HECTD2: variants seen among roughly 807,000 people sequenced by gnomAD.
The protein encoded by HECTD2 is HECT domain E3 ubiquitin protein ligase 2.
HECTD2 carries 35 observed loss-of-function variants against 103.2 expected under a neutral mutation model. The observed-to-expected ratio is 0.34, with a 90% CI of 0.26 to 0.45. The LOEUF (loss-of-function observed/expected upper bound fraction) is 0.45, where lower values mean the gene tolerates loss of function less well. Among genes scored for constraint, HECTD2 ranks in the 20% least tolerant of loss-of-function variants. The probability of loss-of-function intolerance (pLI) is 1.00; values close to 1 mark genes in which losing one functional copy is unlikely to be tolerated. For missense variants in HECTD2, 596 were observed against 937.4 expected (o/e 0.64, Z 4.76); for synonymous variants, 281 against 329.9 (o/e 0.85, Z 1.61).
chr10:91,512,527 T>G lies in HECTD2; in HGVS notation c.*143T>G. ...TATTAAGTTTTTAAAAAATCAAATA[T>G]GAAGTATGTTCAGCAAAGGCATAAT... is the stretch of plus-strand genomic sequence containing the variant. On this transcript the variant is annotated 3_prime_UTR_variant, in exon 21 of 21. Transcript: ENST00000298068. The G allele has an allele frequency of 1.3e-6, 1 of 778,708 alleles. No homozygotes were observed. The highest frequency in any genetic ancestry group is 2.0e-6 in the Non-Finnish European group (1 of 505,582). 48.2% of individuals were successfully genotyped at this position (778,708 alleles called of 1,614,324 possible).
chr10:91,489,819 T>C (rs1846399762), intron 11 of HECTD2: 1 of 152,184 alleles, frequency 6.6e-6, no homozygotes, highest in African/African-American at 2.4e-5. Context: ...AAATTGTAAG[T>C]AGCCTTAAAT....
intron 20 of HECTD2, among the ~76,000 whole-genome samples, chr10:91,503,516 G>A (rs1439334347): frequency 2.6e-5 from 4 of 152,232 alleles, no homozygotes; most frequent in South Asian, 2.1e-4. Flanking sequence ...AAGGGGTGAC[G>A]GACAGCACCT....
intron 2 of HECTD2, among the ~76,000 whole-genome samples, chr10:91,440,261 G>C (rs201146161): frequency 2.0e-5 from 3 of 152,026 alleles, no homozygotes; most frequent in African/African-American, 7.2e-5. Context: ...TCAATACCTA[G>C]TTTATTGAGA....
chr10:91,485,313 A>G lies in HECTD2; in HGVS notation c.1094+10A>G, dbSNP rs770924154. 1 of 1,578,520 alleles carries G rather than the reference A, an allele frequency of 6.3e-7. No individual in the cohort carries two copies. The highest frequency in any genetic ancestry group is 1.2e-5 in the South Asian group (1 of 84,318). On this transcript the variant is annotated intron_variant, in intron 10 of 20. Coordinates refer to ENST00000298068, the MANE Select transcript of HECTD2 (RefSeq NM_182765.6). ...TTGGAAACTCTCACAGGTATGAACA[A>G]AAGTTCCTTTGATTATCCACCTAAA... is the stretch of plus-strand genomic sequence containing the variant.
chr10:91,514,096 C>CT lies in HECTD2; in HGVS notation c.*1717dup, dbSNP rs1365973754. 8 of 152,486 alleles carry CT rather than the reference C, an allele frequency of 5.2e-5. No individual in the cohort carries two copies. The highest frequency in any genetic ancestry group is 1.2e-4 in the Non-Finnish European group (8 of 67,992). 9.4% of individuals were successfully genotyped at this position (152,486 alleles called of 1,614,324 possible). ...TACACTGCTTGAACTAGAAAATCAGCTTTTTAATGTAGGTTACCACTTATA... is the reference window on the plus strand; with the variant it reads ...TACACTGCTTGAACTAGAAAATCAGCTTTTTTAATGTAGGTTACCACTTATA... On this transcript the variant is annotated 3_prime_UTR_variant, in exon 21 of 21. Coordinates refer to ENST00000298068, the MANE Select transcript of HECTD2 (RefSeq NM_182765.6).
At chr10:91,417,418 C>T (rs868666830) in intron 1 of HECTD2, among the ~76,000 whole-genome samples, 23 of 151,848 alleles carry the variant, frequency 1.5e-4, no homozygotes, top group African/African-American at 5.3e-4. Context: ...ATGTGCACAA[C>T]GTGCAGTTCT....
chr10:91,458,156 C>G (rs964688101), intron 2 of HECTD2, among the ~76,000 whole-genome samples: 1 of 151,294 alleles, frequency 6.6e-6, no homozygotes, highest in Non-Finnish European at 1.5e-5. Context: ...AGTGAACACA[C>G]GGACACTAAA....
intron 20 of HECTD2, among the ~76,000 whole-genome samples, chr10:91,501,600 G>C (rs2133353518): frequency 6.6e-6 from 1 of 152,132 alleles, no homozygotes; most frequent in South Asian, 2.1e-4. Context: ...TTAGAACCTA[G>C]TTACTTTGTA....
Position 91,451,527 on chromosome 10 carries a change from A to C in HECTD2, c.269-8900A>C, listed in dbSNP as rs1844827623. On this transcript the variant is annotated intron_variant, in intron 2 of 20. Coordinates refer to ENST00000298068, the MANE Select transcript of HECTD2 (RefSeq NM_182765.6). ...CAGAACTTAAAGTATAATAATAAAAAAAAAAGATACAAATTCTTGTGCCCC... is the reference window on the plus strand; with the variant it reads ...CAGAACTTAAAGTATAATAATAAAACAAAAAGATACAAATTCTTGTGCCCC... Among the ~76,000 whole-genome samples the C allele has an allele frequency of 1.3e-5, 2 of 152,140 alleles. 1 individual carries two copies. The highest frequency in any genetic ancestry group is 2.9e-5 in the Non-Finnish European group (2 of 67,996).
Position 91,476,947 on chromosome 10 carries a change from G to A in HECTD2, c.601-1254G>A, listed in dbSNP as rs542012054. 4.6e-5 allele frequency among the ~76,000 whole-genome samples: 7 copies of A among 152,064 alleles called. No individual in the cohort carries two copies. In the South Asian group the frequency reaches 6.2e-4, roughly 14 times the overall value. ...TGTAATCCCAGCACTTTGGGAGGCCGAGGCGGGTGGATCATGAGGTCAGGA... is the reference window on the plus strand; with the variant it reads ...TGTAATCCCAGCACTTTGGGAGGCCAAGGCGGGTGGATCATGAGGTCAGGA... On this transcript the variant is annotated intron_variant, in intron 5 of 20. Transcript: ENST00000298068.
At chr10:91,477,498 C>G (rs190495263) in intron 5 of HECTD2, among the ~76,000 whole-genome samples, 2 of 152,190 alleles carry the variant, frequency 1.3e-5, no homozygotes, top group East Asian at 3.9e-4. Context: ...GGGATACTCT[C>G]TGGGTGTGCG....
intron 8 of HECTD2, among the ~76,000 whole-genome samples, chr10:91,483,429 TA>T (rs1328954590): frequency 6.6e-6 from 1 of 151,986 alleles, no homozygotes; most frequent in Non-Finnish European, 1.5e-5. Context: ...TTTTATTTTC[TA>T]TCTGTAAATT....
At chr10:91,441,900 TTTTTTTTC>T (rs1327002131) in intron 2 of HECTD2, among the ~76,000 whole-genome samples, 1 of 131,396 alleles carries the variant, frequency 7.6e-6, no homozygotes, top group African/African-American at 3.8e-5. Context: ...TTTTTTTTTT[TTTTTTTTC>T]TTTTTTTTTT....
intron 10 of HECTD2, chr10:91,485,715 A>G (rs1846242634): frequency 6.4e-6 from 1 of 155,454 alleles, no homozygotes; most frequent in South Asian, 2.0e-4. Flanking sequence ...ATGAATAGAT[A>G]TGTCTGTGTC....
intron 8 of HECTD2, 72 bp downstream of exon 8, chr10:91,483,148 T>A (rs1436164036): frequency 1.7e-6 from 1 of 591,360 alleles, no homozygotes; most frequent in East Asian, 3.1e-5. Flanking sequence ...AATTTTACAA[T>A]AAAATATATT....
Position 91,512,138 on chromosome 10 carries a change from A to T in HECTD2, c.2211-126A>T, listed in dbSNP as rs1025198457. 5.2e-6 allele frequency: 5 copies of T among 965,674 alleles called. No homozygotes were observed. In the East Asian group the frequency reaches 1.2e-4, roughly 23 times the overall value. The allele number at this position is 965,674 out of a possible 1,614,324, so 59.8% of individuals were successfully genotyped here. A position where few individuals can be genotyped will look rare whatever the true frequency, so the allele number is the denominator to read the frequency against. ...AAATATCTGTTCAGTGAAGAAATGG[A>T]TGAGTCATCTCTTAACAGAGTGAAA... On this transcript the variant is annotated intron_variant, in intron 20 of 20. Transcript: ENST00000298068.
In HECTD2 at chr10:91,436,358, T is replaced by C. The variant is rs532804495; in HGVS notation, c.268+10948T>C. On this transcript the variant is annotated intron_variant, in intron 2 of 20. Transcript: ENST00000298068. ...TGATGTCCGTGTCTTTAGTTATTTC[T>C]TCTTAGCCTAATCAGATTCCCCACG... Among the ~76,000 whole-genome samples the C allele has an allele frequency of 3.9e-5, 6 of 152,162 alleles. No individual in the cohort carries two copies. In the South Asian group the frequency reaches 1.2e-3, roughly 32 times the overall value.
Position 91,410,352 on chromosome 10 carries a change from C to T in HECTD2, c.-87C>T. On this transcript the variant is annotated 5_prime_UTR_variant, in exon 1 of 21. Transcript: ENST00000298068. ...GCTAGAAGCGGCAGCCCAGAGCCCT[C>T]TCGCGGCCGCGGCGGCAGCAGCAGC... is the stretch of plus-strand genomic sequence containing the variant. 2 of 869,074 alleles carry T rather than the reference C, an allele frequency of 2.3e-6. No homozygotes were observed. The highest frequency in any genetic ancestry group is 3.0e-6 in the Non-Finnish European group (2 of 673,448). 53.8% of individuals were successfully genotyped at this position (869,074 alleles called of 1,614,324 possible).
At chr10:91,484,248 A>G in intron 8 of HECTD2, 1 of 780,054 alleles carries the variant, frequency 1.3e-6, no homozygotes, top group Non-Finnish European at 2.0e-6. Context: ...GAATCTGTGA[A>G]TAATGAAGAC....
Sources: allele counts gnomAD v4.1 joint callset (sites outside exome capture counted in the v4.1 genomes callset), GRCh38; gene constraint gnomAD v4.1.1; transcripts MANE v1.5; gene names NCBI Gene and HGNC (gene_info 2026-07-23, HGNC 2026-07-21).